TENM2: variants seen among roughly 807,000 people sequenced by gnomAD.
The protein encoded by TENM2 is teneurin-2.
Under a neutral mutation model 245.2 loss-of-function variants are expected in TENM2, and 52 were observed. The observed-to-expected ratio is 0.21, with a 90% CI of 0.17 to 0.27. The LOEUF (loss-of-function observed/expected upper bound fraction) is 0.27. Ranked by LOEUF, TENM2 falls within the 10% of genes least tolerant of loss-of-function variation. The pLI, the probability that TENM2 is intolerant of heterozygous loss-of-function variation, is 1.00. For synonymous variants in TENM2, 1,363 were observed against 1,438.9 expected (o/e 0.95, Z 1.19); for missense variants, 3,046 against 3,666.8 (o/e 0.83, Z 4.37).
At chr5:168,103,447 C>G (rs1219715559) in intron 9 of TENM2, among the ~76,000 whole-genome samples, 1 of 152,082 alleles carries the variant, frequency 6.6e-6, no homozygotes, top group Non-Finnish European at 1.5e-5. Context: ...ATCGTCACGC[C>G]CCCTTCATCC....
chr5:167,079,243 C>T, the TENM2 span, among the ~76,000 whole-genome samples: 2 of 146,872 alleles, frequency 1.4e-5, no homozygotes, highest in African/African-American at 5.2e-5. Flanking sequence ...CCCTCTCTCT[C>T]TACGTATATA....
At chr5:168,227,486 AAAG>A (rs1764310757) in intron 24 of TENM2, among the ~76,000 whole-genome samples, 1 of 85,206 alleles carries the variant, frequency 1.2e-5, no homozygotes, top group East Asian at 3.4e-4. Flanking sequence ...ACGGCAGGCA[AAAG>A]GAGGAAAACT....
chr5:168,044,528 C>T (rs969299808), intron 5 of TENM2, among the ~76,000 whole-genome samples: 1 of 152,092 alleles, frequency 6.6e-6, no homozygotes, highest in Non-Finnish European at 1.5e-5. Context: ...AATTTATAAG[C>T]ATATAACATC....
chr5:167,996,008 G>A (rs1784022437), intron 5 of TENM2, among the ~76,000 whole-genome samples: 2 of 152,154 alleles, frequency 1.3e-5, no homozygotes, highest in South Asian at 4.1e-4. Flanking sequence ...GACAGGTCCT[G>A]AAATTGATGC....
chr5:167,790,420 A>G (rs1764870332), intron 2 of TENM2, among the ~76,000 whole-genome samples: 2 of 152,252 alleles, frequency 1.3e-5, no homozygotes, highest in South Asian at 4.1e-4. Context: ...TCGACTCTGC[A>G]TGATTCCTAC....
At chr5:167,904,963 G>A (rs1775973621) in intron 3 of TENM2, among the ~76,000 whole-genome samples, 1 of 152,068 alleles carries the variant, frequency 6.6e-6, no homozygotes, top group Admixed American at 6.5e-5. Context: ...ATGAAATCTT[G>A]GACAACTCTT....
At chr5:167,357,078 A>T (rs996796672) in intron 1 of TENM2, among the ~76,000 whole-genome samples, 5 of 152,086 alleles carry the variant, frequency 3.3e-5, no homozygotes, top group African/African-American at 1.2e-4. Flanking sequence ...CATTTTTTTT[A>T]AATCTAAATG....
chr5:167,079,807 G>T, the TENM2 span, among the ~76,000 whole-genome samples: 1 of 152,164 alleles, frequency 6.6e-6, no homozygotes, highest in Non-Finnish European at 1.5e-5. Flanking sequence ...AAAAGAAAGT[G>T]CCATAGCTAC....
At chr5:167,107,111 A>T in the TENM2 span, among the ~76,000 whole-genome samples, 3 of 146,242 alleles carry the variant, frequency 2.1e-5, no homozygotes, top group African/African-American at 7.8e-5. Context: ...AAAAAAAAAA[A>T]TTAGCCAGGC....
intron 13 of TENM2, among the ~76,000 whole-genome samples, chr5:168,174,036 C>T (rs1286804064): frequency 2.6e-5 from 4 of 152,120 alleles, no homozygotes; most frequent in Non-Finnish European, 5.9e-5. Flanking sequence ...ATGGGGTTTG[C>T]GTGCAGTGCT....
chr5:167,651,099 T>C (rs541197870), intron 2 of TENM2, among the ~76,000 whole-genome samples: 1 of 151,970 alleles, frequency 6.6e-6, no homozygotes, highest in Admixed American at 6.5e-5. Context: ...GAAGTGTGGC[T>C]GAAGAAAAAC....
chr5:168,038,399 A>G (rs1787893814), intron 5 of TENM2, among the ~76,000 whole-genome samples: 2 of 152,132 alleles, frequency 1.3e-5, no homozygotes, highest in Non-Finnish European at 2.9e-5. Flanking sequence ...AGTGTGAGCA[A>G]GAAAATGTGG....
In TENM2 at chr5:167,555,279, C is replaced by T. The variant is rs574910467; in HGVS notation, c.502+179806C>T. Among the ~76,000 whole-genome samples, 9 of 152,266 alleles carry T rather than the reference C, an allele frequency of 5.9e-5. No individual in the cohort carries two copies. In the East Asian group the frequency reaches 1.2e-3, roughly 20 times the overall value. On this transcript the variant is annotated intron_variant, in intron 2 of 28. Transcript: ENST00000518659. ...AGTTTGGCCTTAAAAATAGTTTTGA[C>T]GAATGAATTTTAAAAAGCCCTCTGA... is the stretch of plus-strand genomic sequence containing the variant.
At chr5:167,456,964 T>G (rs1314377693) in intron 2 of TENM2, among the ~76,000 whole-genome samples, 1 of 152,200 alleles carries the variant, frequency 6.6e-6, no homozygotes, top group Non-Finnish European at 1.5e-5. Context: ...AATACAAGCG[T>G]GAGAATTTCT....
At chr5:168,220,829 T>C (rs1294257166) in intron 23 of TENM2, among the ~76,000 whole-genome samples, 1 of 152,140 alleles carries the variant, frequency 6.6e-6, no homozygotes, top group African/African-American at 2.4e-5. Flanking sequence ...AAGTCTGTCC[T>C]GGTCGGGAGT....
rs60173432 is a variant in TENM2 at position 168,135,389 on chromosome 5, A to G, written c.2422+8423A>G. ...CAACCCTCTTTTTTCATAGCATTCT[A>G]TTTCACGAGCTCTTCTTTAAAAGCT... is the stretch of plus-strand genomic sequence containing the variant. On this transcript the variant is annotated intron_variant, in intron 12 of 28. Transcript: ENST00000518659. 2.4e-3 allele frequency among the ~76,000 whole-genome samples: 370 copies of G among 152,196 alleles called. 1 individual carries two copies. The highest frequency in any genetic ancestry group is 8.1e-3 in the African/African-American group (338 of 41,536).
At chr5:167,053,949 A>G in the TENM2 span, among the ~76,000 whole-genome samples, 12 of 152,162 alleles carry the variant, frequency 7.9e-5, no homozygotes, top group Non-Finnish European at 1.5e-4. Flanking sequence ...GAGAGTTCCC[A>G]TATACCTATT....
the TENM2 span, among the ~76,000 whole-genome samples, chr5:167,102,503 C>G: frequency 6.6e-6 from 1 of 152,132 alleles, no homozygotes; most frequent in South Asian, 2.1e-4. Context: ...AACAGTCACA[C>G]AGGAAGTGAG....
chr5:167,573,186 A>G (rs1047077446), intron 2 of TENM2, among the ~76,000 whole-genome samples: 6 of 152,172 alleles, frequency 3.9e-5, no homozygotes, highest in African/African-American at 1.4e-4. Flanking sequence ...CAGTAAAACT[A>G]CATTGCAAAT....
Sources: gnomAD v4.1 joint callset for allele counts (sites outside exome capture counted in the v4.1 genomes callset) on GRCh38, gnomAD v4.1.1 for gene constraint, MANE v1.5 for transcripts, NCBI Gene and HGNC (gene_info 2026-07-23, HGNC 2026-07-21) for gene names.